Variants in ADGRL2 observed in about 807,000 individuals in gnomAD.
ADGRL2 encodes adhesion G protein-coupled receptor L2.
A neutral mutation model predicts 157.4 loss-of-function variants in ADGRL2; 44 were observed. The ratio of observed to expected loss-of-function variants is 0.28; its 90% confidence interval spans 0.22 to 0.36. ADGRL2 has a LOEUF of 0.36. Among genes scored for constraint, ADGRL2 ranks in the 10% least tolerant of loss-of-function variants. The pLI is 1.00. For missense variants in ADGRL2, 1,510 were observed against 1,768.9 expected (o/e 0.85, Z 2.63); for synonymous variants, 585 against 624.7 (o/e 0.94, Z 0.95).
At chr1:81,460,621 T>G (rs1310076611) in intron 2 of ADGRL2, among the ~76,000 whole-genome samples, 4 of 152,202 alleles carry the variant, frequency 2.6e-5, no homozygotes, top group Non-Finnish European at 5.9e-5. Flanking sequence ...CAGCATGGCT[T>G]GCAGAATTTG....
chr1:81,347,176 A>T (rs1388996357), intron 1 of ADGRL2, among the ~76,000 whole-genome samples: 1 of 152,114 alleles, frequency 6.6e-6, no homozygotes, highest in Non-Finnish European at 1.5e-5. Context: ...AGGCGGGTAG[A>T]TCACCTGAGG....
intron 3 of ADGRL2, among the ~76,000 whole-genome samples, chr1:81,619,439 AC>A (rs578179427): frequency 1.3e-5 from 2 of 152,098 alleles, no homozygotes; most frequent in Non-Finnish European, 2.9e-5. Context: ...CGACCTGCAA[AC>A]TTTCAGGAAG....
At position 81,991,259 on chromosome 1, in the gene ADGRL2, TTC is replaced by T. The variant is rs1664557168; in HGVS notation, c.*118_*119del. The T allele has an allele frequency of 1.0e-5, 10 of 958,750 alleles. No individual in the cohort carries two copies. In the South Asian group the frequency reaches 1.8e-4, roughly 17 times the overall value. The allele number at this position is 958,750 out of a possible 1,614,324, so 59.4% of individuals were successfully genotyped here. A position where few individuals can be genotyped will look rare whatever the true frequency, so the allele number is the denominator to read the frequency against. Reference sequence around the variant, plus strand: ...TGAAGAGATGACTCTTGACCTGTGGTTCTCTGGTGTAAAAAAGATGACTGAAC... The same window carrying T: ...TGAAGAGATGACTCTTGACCTGTGGTTCTGGTGTAAAAAAGATGACTGAAC... On this transcript the variant is annotated 3_prime_UTR_variant, in exon 24 of 24. Coordinates refer to ENST00000686636, the MANE Select transcript of ADGRL2 (RefSeq NM_001366006.2).
intron 1 of ADGRL2, among the ~76,000 whole-genome samples, chr1:81,804,195 C>T (rs1396272443): frequency 2.0e-5 from 3 of 152,150 alleles, no homozygotes; most frequent in Non-Finnish European, 2.9e-5. Context: ...TTACTTCTGT[C>T]CAGGTGTGTT....
chr1:81,881,199 G>A (rs150449793), intron 2 of ADGRL2, among the ~76,000 whole-genome samples: 1,640 of 152,038 alleles, frequency 0.011, 33 homozygotes, highest in African/African-American at 0.037. Context: ...TTTTTGAGAC[G>A]GAGTCTTGCT....
intron 1 of ADGRL2, among the ~76,000 whole-genome samples, chr1:81,747,158 T>C (rs12742823): frequency 1.4e-5 from 2 of 140,344 alleles, no homozygotes; most frequent in South Asian, 2.3e-4. Context: ...TACGTATATA[T>C]GTATGTGTGT....
intron 2 of ADGRL2, among the ~76,000 whole-genome samples, chr1:81,774,146 C>G (rs1189047525): frequency 7.2e-6 from 1 of 139,636 alleles, no homozygotes; most frequent in African/African-American, 3.3e-5. Context: ...GCAGCCCTAG[C>G]AAATGACTAC....
At chr1:81,766,530 A>C (rs2149327720) in intron 2 of ADGRL2, among the ~76,000 whole-genome samples, 1 of 152,282 alleles carries the variant, frequency 6.6e-6, no homozygotes, top group South Asian at 2.1e-4. Context: ...AATTTCTAAT[A>C]CATATGTAAG....
chr1:81,659,605 A>G (rs1479691965), intron 3 of ADGRL2, among the ~76,000 whole-genome samples: 1 of 152,070 alleles, frequency 6.6e-6, no homozygotes, highest in African/African-American at 2.4e-5. Context: ...TGACCGCAGG[A>G]TGTGTAACAT....
chr1:81,620,310 T>G (rs929414728), intron 3 of ADGRL2, among the ~76,000 whole-genome samples: 2 of 152,216 alleles, frequency 1.3e-5, no homozygotes, highest in Non-Finnish European at 2.9e-5. Flanking sequence ...ACATAATTCA[T>G]TTTTGCATGT....
At chr1:81,930,732 C>A (rs560417311) in intron 3 of ADGRL2, among the ~76,000 whole-genome samples, 1 of 152,304 alleles carries the variant, frequency 6.6e-6, no homozygotes, top group East Asian at 1.9e-4. Flanking sequence ...TCAGCTTTTA[C>A]AGATGCATAT....
At position 81,310,756 on chromosome 1, in the gene ADGRL2, C is replaced by A. The variant is rs112364815; in HGVS notation, c.-302+4247C>A. 2.5e-3 allele frequency among the ~76,000 whole-genome samples: 378 copies of A among 151,996 alleles called. 2 individuals are homozygous for A. Among genetic ancestry groups the A allele is most frequent in the African/African-American group, 8.6e-3 (358 of 41,468 alleles). On this transcript the variant is annotated intron_variant, in intron 1 of 24. Coordinates refer to the ADGRL2 transcript ENST00000370721. ...GAATTAATTTAAATTTGAGCTAACC[C>A]TGCCATCATCTCTTGCTGAGTGAGT...
chr1:81,499,512 T>A (rs2078798886), intron 2 of ADGRL2, among the ~76,000 whole-genome samples: 1 of 152,254 alleles, frequency 6.6e-6, no homozygotes, highest in Non-Finnish European at 1.5e-5. Flanking sequence ...CTGTTTGTCT[T>A]ATTTAATAGG....
At chr1:81,948,837 G>A (rs928337444) in intron 6 of ADGRL2, among the ~76,000 whole-genome samples, 2 of 152,034 alleles carry the variant, frequency 1.3e-5, no homozygotes, top group African/African-American at 2.4e-5. Flanking sequence ...GTAGAGGGGG[G>A]GAAAGGAATA....
At chr1:81,532,972 C>CATCTATCTATCT (rs142768526) in intron 2 of ADGRL2, among the ~76,000 whole-genome samples, 7 of 137,498 alleles carry the variant, frequency 5.1e-5, no homozygotes, top group African/African-American at 2.0e-4. Flanking sequence ...ATCTATCTAT[C>CATCTATCTATCT]ATCTATCTAT....
chr1:81,394,883 A>T (rs988265669), intron 1 of ADGRL2, among the ~76,000 whole-genome samples: 102 of 39,444 alleles, frequency 2.6e-3, no homozygotes, highest in African/African-American at 6.6e-3. Flanking sequence ...TCTCTTTTTT[A>T]TTTATTTATT....
intron 2 of ADGRL2, among the ~76,000 whole-genome samples, chr1:81,857,269 T>C (rs2093234538): frequency 6.6e-6 from 1 of 152,182 alleles, no homozygotes; most frequent in Non-Finnish European, 1.5e-5. Context: ...GGAAATCCAT[T>C]TTTATTTTTA....
upstream of ADGRL2, among the ~76,000 whole-genome samples, chr1:81,796,795 G>T (rs759946112): frequency 6.6e-6 from 1 of 152,044 alleles, no homozygotes; most frequent in Admixed American, 6.6e-5. Flanking sequence ...AACACAATAT[G>T]CCTTAATTAT....
At chr1:81,619,097 T>A (rs1277093494) in intron 3 of ADGRL2, among the ~76,000 whole-genome samples, 5 of 152,220 alleles carry the variant, frequency 3.3e-5, no homozygotes, top group African/African-American at 9.6e-5. Context: ...CAATTTGGTC[T>A]AATCTCAATT....
Sources: allele counts gnomAD v4.1 joint callset (sites outside exome capture counted in the v4.1 genomes callset), GRCh38; gene constraint gnomAD v4.1.1; transcripts MANE v1.5; gene names NCBI Gene and HGNC (gene_info 2026-07-23, HGNC 2026-07-21).